The following CDK5RAP2 variants were observed in gnomAD, a reference collection of about 807,000 sequenced individuals.
CDK5RAP2 encodes the protein CDK5 regulatory subunit associated protein 2.
Under a neutral mutation model 232.9 loss-of-function variants are expected in CDK5RAP2, and 147 were observed. The observed-to-expected ratio is 0.63, with a 90% CI of 0.55 to 0.72. CDK5RAP2 has a LOEUF of 0.72. Ranked by LOEUF, CDK5RAP2 falls within the 30% of genes least tolerant of loss-of-function variation. The pLI, the probability that CDK5RAP2 is intolerant of heterozygous loss-of-function variation, is 0.00. For synonymous variants in CDK5RAP2, 833 were observed against 833.7 expected (o/e 1.00, Z 0.01); for missense variants, 2,195 against 2,231.5 (o/e 0.98, Z 0.33).
chr9:120,428,835 G>A (rs2035091658), intron 25 of CDK5RAP2, among the ~76,000 whole-genome samples: 1 of 152,170 alleles, frequency 6.6e-6, no homozygotes, highest in Admixed American at 6.5e-5. Context: ...AATCCTTGAT[G>A]AACATTGATG....
chr9:120,468,050 T>A (rs2037484195), intron 17 of CDK5RAP2, 53 bp from the exon 18 acceptor site: 1 of 1,601,344 alleles, frequency 6.2e-7, no homozygotes, highest in Admixed American at 1.7e-5. Context: ...GACTTCAGCT[T>A]CCCAGGGCCG....
intron 12 of CDK5RAP2, among the ~76,000 whole-genome samples, chr9:120,513,946 T>C (rs1036258528): frequency 2.0e-5 from 3 of 152,220 alleles, no homozygotes; most frequent in Non-Finnish European, 2.9e-5. Context: ...ATGCTCCACC[T>C]GTACATTTAT....
chr9:120,547,073 A>C (rs1015821937), intron 4 of CDK5RAP2, among the ~76,000 whole-genome samples: 1 of 151,276 alleles, frequency 6.6e-6, no homozygotes, highest in African/African-American at 2.4e-5. Flanking sequence ...TGCAACCTCC[A>C]CCTCCCAGGT....
At chr9:120,551,773 G>A (rs1318047138) in intron 3 of CDK5RAP2, among the ~76,000 whole-genome samples, 2 of 152,098 alleles carry the variant, frequency 1.3e-5, no homozygotes, top group East Asian at 1.9e-4. Context: ...GATGATACCC[G>A]GGGAAACTTG....
chr9:120,547,191 C>T lies in CDK5RAP2; in HGVS notation c.307-1401G>A, dbSNP rs150866397. On this transcript the variant is annotated intron_variant, in intron 4 of 37. Coordinates refer to ENST00000349780, the MANE Select transcript of CDK5RAP2 (RefSeq NM_018249.6). ...TTTTAGTTGAGACGGGGTTTCGCCA[C>T]GTTGGCCAGGCTGGTCTTGAACTCC... is the stretch of plus-strand genomic sequence containing the variant. Among the ~76,000 whole-genome samples the T allele has an allele frequency of 8.8e-3, 1,336 of 151,892 alleles. 20 individuals carry two copies. Among genetic ancestry groups the T allele is most frequent in the African/African-American group, 0.03 (1,248 of 41,504 alleles).
rs546787127 is a variant in CDK5RAP2 at position 120,564,435 on chromosome 9, A to G, written c.195+3886T>C. On this transcript the variant is annotated intron_variant, in intron 3 of 37. Transcript: ENST00000349780. ...AACCCGGGAGGCTGCGGCTGCAGTGAGCCGAGATCGTGCCACTCCACTCCA... is the reference window on the plus strand; with the variant it reads ...AACCCGGGAGGCTGCGGCTGCAGTGGGCCGAGATCGTGCCACTCCACTCCA... Among the ~76,000 whole-genome samples the G allele has an allele frequency of 2.7e-5, 4 of 149,964 alleles. No individual in the cohort carries two copies. In the East Asian group the frequency reaches 7.9e-4, roughly 30 times the overall value.
chr9:120,453,658 G>A lies in CDK5RAP2; in HGVS notation c.2591C>T (p.Pro864Leu), dbSNP rs376939459. 8.1e-6 allele frequency: 13 copies of A among 1,614,034 alleles called. No individual in the cohort carries two copies. Among genetic ancestry groups the A allele is most frequent in the Non-Finnish European group, 1.1e-5 (13 of 1,180,030 alleles). Residue 864 changes from proline to leucine, a missense_variant, in exon 21 of 38, where the codon CCC becomes CTC. Pro to Leu is a moderately conservative substitution (Grantham distance 98). Transcript: ENST00000349780. The part of the protein sequence containing the change: ...EAQLVKAGEV[P>L]KVGLKDASVQ... ...TGAGGCATCTTTCAGTCCTACCTTG[G>A]GCACTTCGCCTGCCTTTACTAGCTG...
chr9:120,490,662 TTTTC>T (rs1217356593), intron 13 of CDK5RAP2, among the ~76,000 whole-genome samples: 7 of 152,218 alleles, frequency 4.6e-5, no homozygotes, highest in African/African-American at 7.2e-5. Context: ...CCAAATTTTT[TTTTC>T]TTTGTTTTTT....
chr9:120,478,582 G>C (rs1257655623), intron 14 of CDK5RAP2, among the ~76,000 whole-genome samples: 1 of 152,086 alleles, frequency 6.6e-6, no homozygotes, highest in Non-Finnish European at 1.5e-5. Context: ...GACCAGCCTG[G>C]GCAACATAGT....
At chr9:120,390,340 T>A (rs948729744) in intron 36 of CDK5RAP2, 1 of 159,908 alleles carries the variant, frequency 6.3e-6, no homozygotes, top group Non-Finnish European at 1.4e-5. Context: ...ACCGTGGGCA[T>A]GCTGCTTCTC....
intron 23 of CDK5RAP2, among the ~76,000 whole-genome samples, chr9:120,441,628 A>T (rs2035904204): frequency 1.3e-5 from 2 of 152,316 alleles, no homozygotes; most frequent in Middle Eastern, 3.4e-3. Context: ...AAATTCACAC[A>T]CAAATCCTCA....
intron 2 of CDK5RAP2, 119 bp downstream of exon 2, chr9:120,571,855 G>A (rs991225467): frequency 4.7e-5 from 36 of 768,980 alleles, no homozygotes; most frequent in Admixed American, 5.8e-5. Flanking sequence ...GAGCACCTAC[G>A]GTGTGCCAGT....
intron 5 of CDK5RAP2, among the ~76,000 whole-genome samples, chr9:120,541,239 G>C (rs2041619910): frequency 6.6e-6 from 1 of 152,100 alleles, no homozygotes; most frequent in Non-Finnish European, 1.5e-5. Context: ...CTGCCCACCA[G>C]AGTGCAAATA....
intron 36 of CDK5RAP2, among the ~76,000 whole-genome samples, chr9:120,392,212 C>T: frequency 6.6e-6 from 1 of 152,042 alleles, no homozygotes; most frequent in East Asian, 1.9e-4. Flanking sequence ...CCTTATTTTA[C>T]AGATGAGAAA....
chr9:120,419,914 G>A lies in CDK5RAP2; in HGVS notation c.4051C>T (p.Pro1351Ser), dbSNP rs763376201. 3 of 1,614,052 alleles carry A rather than the reference G, an allele frequency of 1.9e-6. No homozygotes were observed. Among genetic ancestry groups the A allele is most frequent in the South Asian group, 2.2e-5 (2 of 91,080 alleles). ...LTYQHLLPES[P>S]EPSASHALSD... is the part of the protein sequence containing the mutation. The stretch of plus-strand genomic sequence containing the variant: ...AGCGCATGAGAGGCTGAAGGCTCAG[G>A]AGATTCAGGCAGAAGATGTTGGTAG... Residue 1351 changes from proline (P) to serine (S), a missense_variant, in exon 27 of 38, where the codon CCT (proline) becomes TCT (serine). Physicochemically the swap from Pro to Ser is moderately conservative, Grantham distance 74. Transcript: ENST00000349780.
At chr9:120,448,154 T>C (rs2036296829) in intron 21 of CDK5RAP2, 28 bp from the exon 22 acceptor site, 10 of 1,515,596 alleles carry the variant, frequency 6.6e-6, no homozygotes, top group Non-Finnish European at 9.2e-6. Context: ...CAACAATGAA[T>C]ACACTTTGAA....
chr9:120,476,803 G>A (rs1245723305), intron 15 of CDK5RAP2, among the ~76,000 whole-genome samples: 2 of 152,136 alleles, frequency 1.3e-5, no homozygotes, highest in Non-Finnish European at 1.5e-5. Flanking sequence ...GAAAGTGGGA[G>A]AGTCAGGGCT....
intron 11 of CDK5RAP2, among the ~76,000 whole-genome samples, chr9:120,523,100 C>A (rs1273308963): frequency 6.6e-6 from 1 of 152,174 alleles, no homozygotes; most frequent in Non-Finnish European, 1.5e-5. Context: ...CATGTATAAC[C>A]TGAAGAGTTA....
At chr9:120,429,847 T>C (rs1407767204) in intron 25 of CDK5RAP2, among the ~76,000 whole-genome samples, 7 of 152,154 alleles carry the variant, frequency 4.6e-5, no homozygotes, top group Admixed American at 6.5e-5. Context: ...TCACACTACC[T>C]GACTTCAAAC....
Sources: gnomAD v4.1 joint callset for allele counts (sites outside exome capture counted in the v4.1 genomes callset) on GRCh38, gnomAD v4.1.1 for gene constraint, MANE v1.5 for transcripts, NCBI Gene and HGNC (gene_info 2026-07-23, HGNC 2026-07-21) for gene names.